The following DLG2 variants were observed in gnomAD, a reference collection of about 807,000 sequenced individuals.
DLG2 encodes disks large homolog 2.
DLG2 carries 45 observed loss-of-function variants against 132.5 expected under a neutral mutation model. That is an observed-to-expected ratio of 0.34 (90% CI 0.27 to 0.44). The LOEUF is 0.44. Ranked by LOEUF, DLG2 falls within the 20% of genes least tolerant of loss-of-function variation. The probability of loss-of-function intolerance (pLI) is 1.00; values close to 1 mark genes in which losing one functional copy is unlikely to be tolerated. For missense variants in DLG2, 1,045 were observed against 1,196.9 expected (o/e 0.87, Z 1.87); for synonymous variants, 424 against 419.6 (o/e 1.01, Z -0.13).
intron 4 of DLG2, among the ~76,000 whole-genome samples, chr11:85,160,653 T>G (rs2077958667): frequency 6.6e-6 from 1 of 152,116 alleles, no homozygotes; most frequent in African/African-American, 2.4e-5. Flanking sequence ...AGCTCAAGGA[T>G]GTCTTGACGG....
At chr11:85,489,899 TA>T (rs2093518272) in intron 3 of DLG2, among the ~76,000 whole-genome samples, 2 of 152,122 alleles carry the variant, frequency 1.3e-5, no homozygotes, top group African/African-American at 4.8e-5. Flanking sequence ...AATGAGTAAA[TA>T]AAAATAAAAA....
intron 9 of DLG2, among the ~76,000 whole-genome samples, chr11:84,125,662 G>C (rs2154210397): frequency 6.6e-6 from 1 of 152,246 alleles, no homozygotes; most frequent in East Asian, 1.9e-4. Context: ...GGTCAGGAAA[G>C]ACAAAGAAAT....
intron 7 of DLG2, among the ~76,000 whole-genome samples, chr11:84,365,909 A>C (rs1048869691): frequency 2.6e-5 from 4 of 152,096 alleles, no homozygotes; most frequent in Non-Finnish European, 4.4e-5. Flanking sequence ...ATCCAGGAGA[A>C]CTTCCCCAAT....
chr11:83,725,581 A>C (rs1182242982), intron 18 of DLG2, among the ~76,000 whole-genome samples: 6 of 152,180 alleles, frequency 3.9e-5, no homozygotes, highest in Non-Finnish European at 8.8e-5. Context: ...CAATCTCAGA[A>C]ATTAATCTTT....
chr11:84,547,992 C>A (rs566000793), intron 6 of DLG2, among the ~76,000 whole-genome samples: 1 of 152,218 alleles, frequency 6.6e-6, no homozygotes, highest in Admixed American at 6.5e-5. Context: ...GTAAGATTTT[C>A]AACAATAAAA....
chr11:84,991,523 A>AG (rs2057114173), intron 6 of DLG2, among the ~76,000 whole-genome samples: 3 of 116,306 alleles, frequency 2.6e-5, no homozygotes, highest in African/African-American at 7.2e-5. Flanking sequence ...AAAAAAAAAA[A>AG]AAAGAAAGAA....
intron 15 of DLG2, among the ~76,000 whole-genome samples, chr11:83,889,112 T>C (rs1189035503): frequency 1.3e-5 from 2 of 152,106 alleles, no homozygotes; most frequent in African/African-American, 4.8e-5. Flanking sequence ...AAATGGGATC[T>C]AATTAAACTA....
chr11:84,572,254 A>G (rs891778233), intron 6 of DLG2, among the ~76,000 whole-genome samples: 1 of 152,120 alleles, frequency 6.6e-6, no homozygotes, highest in Non-Finnish European at 1.5e-5. Flanking sequence ...AATGATTACA[A>G]TTCTTTATAG....
At chr11:84,951,283 T>A (rs2154102834) in intron 6 of DLG2, among the ~76,000 whole-genome samples, 1 of 152,336 alleles carries the variant, frequency 6.6e-6, no homozygotes, top group South Asian at 2.1e-4. Context: ...AAGATCTTCA[T>A]CTTAAAGATG....
intron 9 of DLG2, among the ~76,000 whole-genome samples, chr11:84,113,095 T>C (rs764085833): frequency 5.9e-5 from 9 of 152,168 alleles, no homozygotes; most frequent in Non-Finnish European, 1.3e-4. Context: ...CAAATCAAGG[T>C]AGTGGTGCCG....
intron 7 of DLG2, among the ~76,000 whole-genome samples, chr11:84,275,587 C>T (rs1357171692): frequency 1.3e-5 from 2 of 152,178 alleles, no homozygotes; most frequent in Non-Finnish European, 2.9e-5. Context: ...GATCTCCTGA[C>T]CTCGTGATCC....
chr11:84,621,870 G>A (rs1013343627), intron 6 of DLG2, among the ~76,000 whole-genome samples: 3 of 152,164 alleles, frequency 2.0e-5, no homozygotes, highest in Non-Finnish European at 4.4e-5. Context: ...ACACCGCCAA[G>A]CTGAAAATTG....
At chr11:84,792,206 T>G (rs1400038426) in intron 6 of DLG2, among the ~76,000 whole-genome samples, 1 of 152,238 alleles carries the variant, frequency 6.6e-6, no homozygotes, top group Non-Finnish European at 1.5e-5. Flanking sequence ...GTTTTTGTCC[T>G]TCATTCTGTT....
At chr11:84,231,525 G>C (rs1344230155) in intron 8 of DLG2, among the ~76,000 whole-genome samples, 1 of 152,060 alleles carries the variant, frequency 6.6e-6, no homozygotes, top group African/African-American at 2.4e-5. Context: ...TAAGAGATTG[G>C]GCATTAAAGA....
intron 7 of DLG2, among the ~76,000 whole-genome samples, chr11:84,348,135 C>T (rs1216533950): frequency 6.6e-6 from 1 of 152,156 alleles, no homozygotes; most frequent in East Asian, 1.9e-4. Context: ...TATTACTTAT[C>T]ATTCTTATCA....
chr11:83,770,379 G>A (rs1431847877), intron 18 of DLG2, among the ~76,000 whole-genome samples: 1 of 151,700 alleles, frequency 6.6e-6, no homozygotes, highest in Non-Finnish European at 1.5e-5. Context: ...GTGTTAAGTA[G>A]GCAAAGGAAA....
At chr11:85,503,688 T>C (rs1323780940) in intron 3 of DLG2, among the ~76,000 whole-genome samples, 8 of 151,986 alleles carry the variant, frequency 5.3e-5, no homozygotes, top group Non-Finnish European at 1.0e-4. Context: ...TCCCAACACC[T>C]TGGGAGCCTA....
At chr11:85,227,581 G>A (rs1258182874) in intron 4 of DLG2, among the ~76,000 whole-genome samples, 1 of 152,092 alleles carries the variant, frequency 6.6e-6, no homozygotes, top group Non-Finnish European at 1.5e-5. Flanking sequence ...TTTTCTATCT[G>A]CCTTGCATAA....
At chr11:84,081,456 C>A (rs1251261412) in intron 10 of DLG2, among the ~76,000 whole-genome samples, 2 of 150,370 alleles carry the variant, frequency 1.3e-5, no homozygotes, top group African/African-American at 4.9e-5. Flanking sequence ...AAAAAAGTAA[C>A]AAGGAATACT....
Sources: gnomAD v4.1 joint callset for allele counts (sites outside exome capture counted in the v4.1 genomes callset) on GRCh38, gnomAD v4.1.1 for gene constraint, MANE v1.5 for transcripts, NCBI Gene and HGNC (gene_info 2026-07-23, HGNC 2026-07-21) for gene names.